The following TTC3 variants were observed in gnomAD, a reference collection of about 807,000 sequenced individuals.
TTC3 encodes the protein E3 ubiquitin-protein ligase TTC3.
TTC3 carries 180 observed loss-of-function variants against 249.6 expected under a neutral mutation model. The observed-to-expected ratio is 0.72, with a 90% CI of 0.64 to 0.82. The LOEUF (loss-of-function observed/expected upper bound fraction) is 0.82, where lower values mean the gene tolerates loss of function less well. TTC3 is among the 40% of genes least tolerant of loss of function. TTC3 has a pLI of 0.00. For synonymous variants in TTC3, 717 were observed against 805.0 expected, an observed-to-expected ratio of 0.89 and a Z score of 1.85; for missense variants, 2,061 against 2,398.4, an observed-to-expected ratio of 0.86 and a Z score of 2.94.
At chr21:37,103,507 A>C (rs1005378874) in intron 10 of TTC3, among the ~76,000 whole-genome samples, 7 of 152,200 alleles carry the variant, frequency 4.6e-5, no homozygotes, top group African/African-American at 1.7e-4. Context: ...GACTATGCCC[A>C]CTTTGCCTTA....
At chr21:37,153,022 G>A in exon 27 of TTC3, 1 of 1,613,994 alleles carries the variant, frequency 6.2e-7, no homozygotes, top group Non-Finnish European at 8.5e-7. Flanking sequence ...GCAGTATGCT[G>A]ACAAGATTAA....
intron 1 of TTC3, among the ~76,000 whole-genome samples, chr21:37,084,938 A>G (rs926834974): frequency 4.6e-5 from 7 of 152,200 alleles, no homozygotes; most frequent in Non-Finnish European, 7.3e-5. Context: ...GGTTGCAGTG[A>G]GCCGAGATCG....
At chr21:37,174,779 G>A (rs1332131084) in intron 35 of TTC3, among the ~76,000 whole-genome samples, 7 of 151,922 alleles carry the variant, frequency 4.6e-5, no homozygotes, top group South Asian at 4.2e-4. Context: ...TTTGACCCTC[G>A]GTCTTCTCAT....
intron 28 of TTC3, 45 bp downstream of exon 28, chr21:37,156,951 G>T (rs372974047): frequency 6.3e-7 from 1 of 1,581,154 alleles, no homozygotes; most frequent in African/African-American, 1.4e-5. Flanking sequence ...AATCTTAAGG[G>T]GGAAAAAATC....
chr21:37,095,135 A>ATGTGTGTGTG (rs201291680), intron 8 of TTC3, among the ~76,000 whole-genome samples: 7 of 76,670 alleles, frequency 9.1e-5, no homozygotes, highest in African/African-American at 2.0e-4. Flanking sequence ...GTCTCTAAAA[A>ATGTGTGTGTG]TATGTGTGTG....
chr21:37,185,928 A>T (rs1322497289), intron 37 of TTC3, 154 bp downstream of exon 37: 3 of 317,240 alleles, frequency 9.5e-6, no homozygotes, highest in Non-Finnish European at 1.7e-5. Context: ...TGCATTTTAA[A>T]AATTAATTTA....
rs557976741 is a variant in TTC3, at chr21:37,082,733, G to A, written c.-11-4514G>A. On this transcript the variant is annotated intron_variant, in intron 1 of 45. Transcript: ENST00000355666. The stretch of plus-strand genomic sequence containing the variant: ...AAAAGTGTTTTTTTTTTTAATCTAG[G>A]ATATACCTTTTTCCTCCCAACAGTA... The A allele has an allele frequency of 2.5e-4, 250 of 984,916 alleles. 3 individuals carry two copies. The South Asian group carries it at 0.011, about 43-fold the overall frequency. The allele number at this position is 984,916 out of a possible 1,614,324, so 61.0% of individuals were successfully genotyped here.
At chr21:37,173,823 A>C (rs923714637) in intron 35 of TTC3, among the ~76,000 whole-genome samples, 3 of 152,234 alleles carry the variant, frequency 2.0e-5, no homozygotes, top group African/African-American at 7.2e-5. Context: ...AGAATTAGAT[A>C]GATCCTGAGA....
intron 29 of TTC3, among the ~76,000 whole-genome samples, chr21:37,159,999 T>C (rs142113138): frequency 1.3e-5 from 2 of 152,322 alleles, no homozygotes; most frequent in African/African-American, 4.8e-5. Context: ...TGATAAACAT[T>C]AATATTCTAA....
intron 42 of TTC3, among the ~76,000 whole-genome samples, chr21:37,196,296 GCA>G (rs1286739711): frequency 1.3e-5 from 2 of 149,038 alleles, no homozygotes; most frequent in Non-Finnish European, 3.0e-5. Context: ...GAGTGCTGTG[GCA>G]CAGTCTCGGC....
chr21:37,103,116 G>C (rs1293821646), intron 10 of TTC3, among the ~76,000 whole-genome samples: 1 of 152,168 alleles, frequency 6.6e-6, no homozygotes, highest in Non-Finnish European at 1.5e-5. Context: ...AGCCAAGGGT[G>C]GGGAGAGGAA....
intron 34 of TTC3, among the ~76,000 whole-genome samples, chr21:37,170,381 CA>C (rs1244560258): frequency 6.6e-6 from 1 of 152,098 alleles, no homozygotes; most frequent in Non-Finnish European, 1.5e-5. Flanking sequence ...AACAGATGCC[CA>C]CCCCACTTGA....
intron 11 of TTC3, among the ~76,000 whole-genome samples, chr21:37,119,683 G>T (rs1323484323): frequency 6.6e-6 from 1 of 151,998 alleles, no homozygotes; most frequent in Non-Finnish European, 1.5e-5. Context: ...TCAATCACAG[G>T]GCTTACTTTA....
chr21:37,089,607 G>A (rs1232638241), intron 5 of TTC3, among the ~76,000 whole-genome samples: 7 of 152,014 alleles, frequency 4.6e-5, no homozygotes, highest in Admixed American at 3.3e-4. Flanking sequence ...TTCGCCTCCC[G>A]GATTCAAGCG....
chr21:37,197,980 AC>A lies in TTC3; in HGVS notation c.5808del (p.Thr1938ProfsTer11). ...CACCCTCGGTGGTTGTTGCACCATC[AC>A]CCAAAACCAAGGGGCAGAAAGCAGA... On this transcript the variant is annotated frameshift_variant, in exon 44 of 46. Transcript: ENST00000355666. LOFTEE classifies it high-confidence loss of function. The A allele has an allele frequency of 1.9e-6, 3 of 1,613,926 alleles. No individual in the cohort carries two copies. Among genetic ancestry groups the A allele is most frequent in the Non-Finnish European group, 2.5e-6 (3 of 1,179,934 alleles).
chr21:37,132,307 G>A (rs1018224584), intron 16 of TTC3, among the ~76,000 whole-genome samples: 5 of 151,284 alleles, frequency 3.3e-5, no homozygotes, highest in East Asian at 1.9e-4. Flanking sequence ...GGATGAGAGC[G>A]AACTAATATT....
chr21:37,097,329 G>A (rs2074039134), intron 10 of TTC3, among the ~76,000 whole-genome samples: 1 of 152,120 alleles, frequency 6.6e-6, no homozygotes, highest in African/African-American at 2.4e-5. Context: ...TATTGAGCAG[G>A]TAGACTATTA....
At chr21:37,103,200 CT>C (rs1332305899) in intron 10 of TTC3, among the ~76,000 whole-genome samples, 2 of 152,160 alleles carry the variant, frequency 1.3e-5, no homozygotes, top group African/African-American at 4.8e-5. Context: ...CAAGCATCAT[CT>C]TTTAGGGCAG....
intron 34 of TTC3, 24 bp downstream of exon 34, chr21:37,167,644 G>GT (rs1334902445): frequency 4.4e-6 from 7 of 1,574,254 alleles, no homozygotes; most frequent in Middle Eastern, 3.4e-4. Flanking sequence ...ACATTAAACT[G>GT]TTTAAAGGTT....
Sources: allele counts gnomAD v4.1 joint callset (sites outside exome capture counted in the v4.1 genomes callset), GRCh38; gene constraint gnomAD v4.1.1; transcripts MANE v1.5; gene names NCBI Gene and HGNC (gene_info 2026-07-23, HGNC 2026-07-21).